Variants in CACNA1G observed in about 807,000 individuals in gnomAD.
The protein encoded by CACNA1G is voltage-dependent T-type calcium channel subunit alpha-1G.
CACNA1G carries 67 observed loss-of-function variants against 219.4 expected under a neutral mutation model. That is an observed-to-expected ratio of 0.31 (90% CI 0.25 to 0.37). The LOEUF is 0.37. Ranked by LOEUF, CACNA1G falls within the 10% of genes least tolerant of loss-of-function variation. The pLI, the probability that CACNA1G is intolerant of heterozygous loss-of-function variation, is 1.00. For synonymous variants in CACNA1G, 1,296 were observed against 1,345.3 expected (o/e 0.96, Z 0.80); for missense variants, 2,380 against 3,231.4 (o/e 0.74, Z 6.39).
intron 8 of CACNA1G, among the ~76,000 whole-genome samples, chr17:50,576,790 C>T (rs1325507788): frequency 2.6e-5 from 4 of 152,206 alleles, no homozygotes; most frequent in African/African-American, 4.8e-5. Flanking sequence ...GGCCCGCACT[C>T]GGGACTCCTT....
chr17:50,589,912 C>CTCTCTCTGTG (rs1326523232), intron 9 of CACNA1G, among the ~76,000 whole-genome samples: 76 of 141,920 alleles, frequency 5.4e-4, no homozygotes, highest in African/African-American at 2.0e-3. Flanking sequence ...CTCTCTCTCT[C>CTCTCTCTGTG]TGTGTGTGTG....
At chr17:50,616,712 G>A (rs1479778031) in intron 28 of CACNA1G, among the ~76,000 whole-genome samples, 1 of 152,202 alleles carries the variant, frequency 6.6e-6, no homozygotes, top group Non-Finnish European at 1.5e-5. Context: ...TCACCACTTA[G>A]TAGCTGGTGG....
rs980344563 is a variant in CACNA1G, at chr17:50,621,558, A to C, written c.5926-102A>C. ...TTTTCCCGCCCCCCTGTGCTTCGTG[A>C]AAAGGGGGAAGTGGGGACTGAGAGA... On this transcript the variant is annotated intron_variant, in intron 34 of 37. Coordinates refer to ENST00000359106, the MANE Select transcript of CACNA1G (RefSeq NM_018896.5). This position sits in a 1 kb window ranked among gnomAD's most constrained non-coding sequence, Gnocchi z 4.6. 3.0e-6 allele frequency: 4 copies of C among 1,327,920 alleles called. No homozygotes were observed. Among genetic ancestry groups the C allele is most frequent in the African/African-American group, 1.4e-5 (1 of 69,170 alleles). 82.3% of individuals were successfully genotyped at this position (1,327,920 alleles called of 1,614,324 possible).
At chr17:50,582,079 G>A (rs1013867624) in intron 9 of CACNA1G, among the ~76,000 whole-genome samples, 5 of 152,236 alleles carry the variant, frequency 3.3e-5, no homozygotes, top group East Asian at 3.8e-4. Context: ...GCTCCAGCAC[G>A]CCACTGGGCC....
Position 50,578,120 on chromosome 17 carries a change from TACTC to T in CACNA1G, c.1925-65_1925-62del. On this transcript the variant is annotated intron_variant, in intron 8 of 37. Transcript: ENST00000359106. The surrounding 1 kb of genome is among the most constrained non-coding windows in gnomAD (Gnocchi z 4.5). ...CAGACTCCCTGACTCATTTTACACATACTCACAGGGCAGGGTAGCCCCAGGTACG... is the reference window on the plus strand; with the variant it reads ...CAGACTCCCTGACTCATTTTACACATACAGGGCAGGGTAGCCCCAGGTACG... 2.0e-6 allele frequency: 3 copies of T among 1,482,568 alleles called. No homozygotes were observed. Among genetic ancestry groups the T allele is most frequent in the Non-Finnish European group, 2.7e-6 (3 of 1,119,938 alleles). 91.8% of individuals were successfully genotyped at this position (1,482,568 alleles called of 1,614,324 possible). A position where few individuals can be genotyped will look rare whatever the true frequency, so the allele number is the denominator to read the frequency against.
At chr17:50,583,960 C>T (rs1049167238) in intron 9 of CACNA1G, among the ~76,000 whole-genome samples, 3 of 152,034 alleles carry the variant, frequency 2.0e-5, no homozygotes, top group Non-Finnish European at 2.9e-5. Flanking sequence ...GTGGGTAGGA[C>T]GCAATTTCAC....
rs2047081684 is a variant in CACNA1G at position 50,602,998 on chromosome 17, G to A, written c.3985-17G>A. Reference sequence around the variant, plus strand: ...CAGCGCAGGGAGGGCGGCCGATGACGTGGCGGTGGTCCCCAGGTGGTGGCA... The same window carrying A: ...CAGCGCAGGGAGGGCGGCCGATGACATGGCGGTGGTCCCCAGGTGGTGGCA... On this transcript the variant is annotated splice_polypyrimidine_tract_variant and intron_variant, in intron 20 of 37. Transcript: ENST00000359106. 3 of 1,610,154 alleles carry A rather than the reference G, an allele frequency of 1.9e-6. No individual in the cohort carries two copies. Among genetic ancestry groups the A allele is most frequent in the East Asian group, 2.2e-5 (1 of 44,778 alleles).
chr17:50,602,103 G>A (rs564476943), intron 19 of CACNA1G, among the ~76,000 whole-genome samples: 1 of 152,168 alleles, frequency 6.6e-6, no homozygotes, highest in Non-Finnish European at 1.5e-5. Context: ...CCCGCCTGAG[G>A]CCCTGCTGTA....
intron 3 of CACNA1G, 71 bp from the exon 4 acceptor site, chr17:50,569,635 C>A: frequency 9.5e-7 from 1 of 1,056,198 alleles, no homozygotes; most frequent in Admixed American, 2.0e-5. Flanking sequence ...AAGCAGGATT[C>A]CTCATTGACC....
chr17:50,594,503 G>C (rs558932144), intron 13 of CACNA1G, among the ~76,000 whole-genome samples: 13 of 152,292 alleles, frequency 8.5e-5, no homozygotes, highest in Non-Finnish European at 1.5e-4. Flanking sequence ...GAACCGGTGA[G>C]AGGAGAGTGG....
chr17:50,569,108 T>G lies in CACNA1G; in HGVS notation c.355-57T>G, dbSNP rs886359793. ...CAACTGGTGGGGACTAGGGTGGGAC[T>G]AGAGGGTATTCCCTCACCCACGTCT... On this transcript the variant is annotated intron_variant, in intron 2 of 37. Transcript: ENST00000359106. The G allele has an allele frequency of 2.5e-6, 4 of 1,592,466 alleles. No individual in the cohort carries two copies. The African/African-American group carries it at 4.0e-5, about 16-fold the overall frequency.
Position 50,571,813 on chromosome 17 carries a change from CG to C in CACNA1G, c.587-62del, listed in dbSNP as rs2039496687. 3 of 1,571,896 alleles carry C rather than the reference CG, an allele frequency of 1.9e-6. No homozygotes were observed. In the African/African-American group the frequency reaches 4.0e-5, roughly 21 times the overall value. On this transcript the variant is annotated intron_variant, in intron 4 of 37. Coordinates refer to ENST00000359106, the MANE Select transcript of CACNA1G (RefSeq NM_018896.5). The surrounding 1 kb of genome is among the most constrained non-coding windows in gnomAD (Gnocchi z 4.3). ...GGTGGGGCCCCTCCGGGAGTGCTGC[CG>C]GGCCGTGGCAGTCAGCCTAGCCCGG...
intron 33 of CACNA1G, 95 bp downstream of exon 33, chr17:50,619,103 C>A: frequency 1.0e-6 from 1 of 974,656 alleles, no homozygotes; most frequent in Non-Finnish European, 1.5e-6. Flanking sequence ...CACACAAACC[C>A]TAGGCTCCTC....
At position 50,626,761 on chromosome 17, in the gene CACNA1G, C is replaced by G; in HGVS notation, c.*10C>G. ...AGACCTGGACCCCTGAGTCCTGCCC[C>G]ACTTTCCCACTCACCTTTCTCCACT... On this transcript the variant is annotated 3_prime_UTR_variant, in exon 38 of 38. Coordinates refer to ENST00000359106, the MANE Select transcript of CACNA1G (RefSeq NM_018896.5). The surrounding 1 kb of genome is among the most constrained non-coding windows in gnomAD (Gnocchi z 4.3). 1 of 1,613,072 alleles carries G rather than the reference C, an allele frequency of 6.2e-7. No individual in the cohort carries two copies. The highest frequency in any genetic ancestry group is 1.1e-5 in the South Asian group (1 of 91,080).
At position 50,619,844 on chromosome 17, in the gene CACNA1G, C is replaced by T. The variant is rs1407775153; in HGVS notation, c.5925+18C>T. The T allele has an allele frequency of 2.5e-6, 4 of 1,592,646 alleles. No homozygotes were observed. The East Asian group carries it at 6.7e-5, about 27-fold the overall frequency. ...ACCCACAGGTTACTGTGCCCCTGTG[C>T]TGTGCCCTCTCCCCTGACCGTGCTG... On this transcript the variant is annotated intron_variant, in intron 34 of 37. Transcript: ENST00000359106.
intron 5 of CACNA1G, 112 bp downstream of exon 5, chr17:50,572,149 C>T: frequency 8.2e-7 from 1 of 1,223,694 alleles, no homozygotes; most frequent in Non-Finnish European, 1.1e-6. Context: ...ACATCTGAGA[C>T]ATATCTGGTT....
At chr17:50,605,725 G>T (rs1180926916) in intron 22 of CACNA1G, among the ~76,000 whole-genome samples, 173 bp from the exon 23 acceptor site, 4 of 152,172 alleles carry the variant, frequency 2.6e-5, no homozygotes, top group African/African-American at 9.7e-5. Flanking sequence ...AAAGGAAGGG[G>T]GTGTCGGCAG....
At chr17:50,563,977 C>T (rs559317198) in intron 1 of CACNA1G, among the ~76,000 whole-genome samples, 15 of 152,206 alleles carry the variant, frequency 9.9e-5, no homozygotes, top group South Asian at 8.3e-4. Context: ...GGTCCCTGTA[C>T]GCCTCTGAGC....
chr17:50,584,487 T>C (rs1173183263), intron 9 of CACNA1G, among the ~76,000 whole-genome samples: 1 of 151,646 alleles, frequency 6.6e-6, no homozygotes, highest in Non-Finnish European at 1.5e-5. Flanking sequence ...AGTTCAGAAC[T>C]GAATGAGTCT....
Sources: allele counts gnomAD v4.1 joint callset (sites outside exome capture counted in the v4.1 genomes callset), GRCh38; gene constraint gnomAD v4.1.1; non-coding constraint Gnocchi (gnomAD v3.1); transcripts MANE v1.5; gene names NCBI Gene and HGNC (gene_info 2026-07-23, HGNC 2026-07-21).